The following GALNT4 variants were observed in gnomAD, a reference collection of about 807,000 sequenced individuals.
GALNT4 encodes UDP-GalNAc:polypeptide N-acetylgalactosaminyltransferase 4.
In GALNT4, 23 loss-of-function variants were observed where a neutral mutation model predicts 45.1. That is an observed-to-expected ratio of 0.51 (90% CI 0.37 to 0.72). The LOEUF (loss-of-function observed/expected upper bound fraction) is 0.72, where lower values mean the gene tolerates loss of function less well. GALNT4 is among the 30% of genes least tolerant of loss of function. GALNT4 has a pLI of 0.00. For missense variants in GALNT4, 757 were observed against 709.0 expected (o/e 1.07, Z -0.77); for synonymous variants, 264 against 257.6 (o/e 1.02, Z -0.24).
At position 89,522,625 on chromosome 12, in the gene GALNT4, T is replaced by C. The variant is rs1377466217; in HGVS notation, c.*188A>G. The C allele has an allele frequency of 1.8e-6, 1 of 558,552 alleles. No individual in the cohort carries two copies. Among genetic ancestry groups the C allele is most frequent in the Non-Finnish European group, 2.8e-6 (1 of 356,270 alleles). 34.6% of individuals were successfully genotyped at this position (558,552 alleles called of 1,614,324 possible). A position where few individuals can be genotyped will look rare whatever the true frequency, so the allele number is the denominator to read the frequency against. Reference sequence around the variant, plus strand: ...CCAATAAGTAAGGCATTGTGAAATATTAAACAGCAGCACTCTGGGTACCCA... The same window carrying C: ...CCAATAAGTAAGGCATTGTGAAATACTAAACAGCAGCACTCTGGGTACCCA... On this transcript the variant is annotated 3_prime_UTR_variant, in exon 1 of 1. Coordinates refer to ENST00000529983, the MANE Select transcript of GALNT4 (RefSeq NM_003774.5).
chr12:89,524,349 G>A lies in GALNT4; in HGVS notation c.201C>T (p.Pro67=). 1 of 1,613,976 alleles carries A rather than the reference G, an allele frequency of 6.2e-7. No homozygotes were observed. Among genetic ancestry groups the A allele is most frequent in the East Asian group, 2.2e-5 (1 of 44,884 alleles). The change falls in exon 1 of 1, where the codon CCC becomes CCT. Residue 67 remains proline, a synonymous_variant. Transcript: ENST00000529983. The stretch of plus-strand genomic sequence containing the variant: ...CCCCAAGTGCACGGGAATCTGCAGG[G>A]GGCTTCTTATAAAGCGGTCGAGACA... ...EDLSRPLYKK[P]PADSRALGEW...
rs936828646 is a variant in GALNT4 at position 89,520,311 on chromosome 12, T to C, written c.*2502A>G. 2.6e-5 allele frequency: 4 copies of C among 152,070 alleles called. No homozygotes were observed. Among genetic ancestry groups the C allele is most frequent in the African/African-American group, 9.7e-5 (4 of 41,408 alleles). 9.4% of individuals were successfully genotyped at this position (152,070 alleles called of 1,614,324 possible). On this transcript the variant is annotated 3_prime_UTR_variant, in exon 1 of 1. Coordinates refer to ENST00000529983, the MANE Select transcript of GALNT4 (RefSeq NM_003774.5). Reference sequence around the variant, plus strand: ...GAGCATCAAGATACTAAAATAAAAATAATGTAATAAGTACTTTCAAAATAT... The same window carrying C: ...GAGCATCAAGATACTAAAATAAAAACAATGTAATAAGTACTTTCAAAATAT...
At position 89,522,153 on chromosome 12, in the gene GALNT4, A is replaced by G. The variant is rs1031648850; in HGVS notation, c.*660T>C. 2 of 398,830 alleles carry G rather than the reference A, an allele frequency of 5.0e-6. No homozygotes were observed. The highest frequency in any genetic ancestry group is 4.1e-5 in the African/African-American group (2 of 48,634). 24.7% of individuals were successfully genotyped at this position (398,830 alleles called of 1,614,324 possible). The stretch of plus-strand genomic sequence containing the variant: ...TGAAGTCCAATAGCTCAAGTTTACA[A>G]AGTACGGAATGTAAATATCTCCCCA... On this transcript the variant is annotated 3_prime_UTR_variant, in exon 1 of 1. Coordinates refer to ENST00000529983, the MANE Select transcript of GALNT4 (RefSeq NM_003774.5).
In GALNT4 at chr12:89,521,973, A is replaced by T. The variant is rs536106477; in HGVS notation, c.*840T>A. ...TGTTTACTTTAAATGATTAAGCATT[A>T]ACAAAGGGAGGCATAGTATTCTGGA... is the stretch of plus-strand genomic sequence containing the variant. On this transcript the variant is annotated 3_prime_UTR_variant, in exon 1 of 1. Transcript: ENST00000529983. 1.5e-5 allele frequency: 6 copies of T among 399,006 alleles called. No individual in the cohort carries two copies. In the South Asian group the frequency reaches 5.1e-4, roughly 34 times the overall value. 24.7% of individuals were successfully genotyped at this position (399,006 alleles called of 1,614,324 possible).
Position 89,520,293 on chromosome 12 carries a change from A to G in GALNT4, c.*2520T>C, listed in dbSNP as rs1323560080. On this transcript the variant is annotated 3_prime_UTR_variant, in exon 1 of 1. Coordinates refer to ENST00000529983, the MANE Select transcript of GALNT4 (RefSeq NM_003774.5). The stretch of plus-strand genomic sequence containing the variant: ...TCATTTCCCTTTTGACAGGAGCATC[A>G]AGATACTAAAATAAAAATAATGTAA... The G allele has an allele frequency of 2.0e-5, 3 of 152,202 alleles. No individual in the cohort carries two copies. The allele number at this position is 152,202 out of a possible 1,614,324, so 9.4% of individuals were successfully genotyped here.
Position 89,524,667 on chromosome 12 carries a change from C to T in GALNT4, c.-118G>A, listed in dbSNP as rs1314278219. ...CAGCAGGTTCTTCCTTTCATGCAGG[C>T]GCTAGGCTCCTTTCCAGCCACCCAG... On this transcript the variant is annotated 5_prime_UTR_variant, in exon 1 of 1. Transcript: ENST00000529983. 22 of 1,078,416 alleles carry T rather than the reference C, an allele frequency of 2.0e-5. No homozygotes were observed. Among genetic ancestry groups the T allele is most frequent in the Non-Finnish European group, 2.3e-5 (17 of 747,842 alleles). 66.8% of individuals were successfully genotyped at this position (1,078,416 alleles called of 1,614,324 possible).
At position 89,522,849 on chromosome 12, in the gene GALNT4, A is replaced by G. The variant is rs1386911676; in HGVS notation, c.1701T>C (p.Ala567=). 2 of 1,597,190 alleles carry G rather than the reference A, an allele frequency of 1.3e-6. No individual in the cohort carries two copies. Among genetic ancestry groups the G allele is most frequent in the Non-Finnish European group, 1.7e-6 (2 of 1,173,588 alleles). The change falls in exon 1 of 1, where the codon GCT becomes GCC. Residue 567 remains alanine, a synonymous_variant. Transcript: ENST00000529983. ...AACTCCAAATTTGATTTTTATCTAG[A>G]GCATCACAAGTTCTCATTTGTACAT... The part of the protein sequence containing the change: ...RPDVQMRTCD[A]LDKNQIWSFE...
In GALNT4 at chr12:89,524,237, A is replaced by G. The variant is rs1565766204; in HGVS notation, c.313T>C (p.Tyr105His). The change falls in exon 1 of 1, where the codon TAC (tyrosine) becomes CAC (histidine). Residue 105 changes from tyrosine to histidine, a missense_variant. Transcript: ENST00000529983. Reference sequence around the variant, plus strand: ...TGCAGGGAAATCCTGTCACTGAGGTAAATATTGATGGCGTATCTCTCAATG... The same window carrying G: ...TGCAGGGAAATCCTGTCACTGAGGTGAATATTGATGGCGTATCTCTCAATG... ...ELIERYAINI[Y>H]LSDRISLHRH... 9 of 1,613,996 alleles carry G rather than the reference A, an allele frequency of 5.6e-6. No individual in the cohort carries two copies. The highest frequency in any genetic ancestry group is 1.1e-5 in the South Asian group (1 of 91,086).
chr12:89,524,219 A>T lies in GALNT4; in HGVS notation c.331T>A (p.Ser111Thr). 1 of 1,613,904 alleles carries T rather than the reference A, an allele frequency of 6.2e-7. No homozygotes were observed. The highest frequency in any genetic ancestry group is 8.5e-7 in the Non-Finnish European group (1 of 1,179,888). Residue 111 changes from serine to threonine, a missense_variant, in exon 1 of 1, where the codon TCC becomes ACC. By Grantham distance (58) the Ser-to-Thr change is moderately conservative (BLOSUM62 1). Transcript: ENST00000529983. ...AINIYLSDRI[S>T]LHRHIEDKRM... ...TTATCCTCTATGTGTCGATGCAGGGAAATCCTGTCACTGAGGTAAATATTG... is the reference window on the plus strand; with the variant it reads ...TTATCCTCTATGTGTCGATGCAGGGTAATCCTGTCACTGAGGTAAATATTG...
chr12:89,522,731 A>G lies in GALNT4; in HGVS notation c.*82T>C. ...TGCTAGGTGGCTTTTGATAAAATAA[A>G]ATACAATCTTCACTGAGGCTCTTAA... On this transcript the variant is annotated 3_prime_UTR_variant, in exon 1 of 1. Transcript: ENST00000529983. The G allele has an allele frequency of 6.7e-7, 1 of 1,493,796 alleles. No individual in the cohort carries two copies. The highest frequency in any genetic ancestry group is 1.4e-5 in the South Asian group (1 of 69,708). 92.5% of individuals were successfully genotyped at this position (1,493,796 alleles called of 1,614,324 possible). A position where few individuals can be genotyped will look rare whatever the true frequency, so the allele number is the denominator to read the frequency against.
rs1225654031 is a variant in GALNT4, at chr12:89,524,054, G to C, written c.496C>G (p.Leu166Val). The C allele has an allele frequency of 6.2e-7, 1 of 1,613,598 alleles. No individual in the cohort carries two copies. The highest frequency in any genetic ancestry group is 1.1e-5 in the South Asian group (1 of 90,994). The change falls in exon 1 of 1, where the codon CTT becomes GTT. Residue 166 changes from leucine to valine, a missense_variant. By Grantham distance (32) the Leu-to-Val change is conservative (BLOSUM62 1). Transcript: ENST00000529983. The part of the protein sequence containing the change: ...HSVLETSPAV[L>V]LKEIILVDDL... ...TCCACCAAGATGATCTCTTTCAAAA[G>C]AACTGCAGGAGAAGTTTCTAAAACA...
chr12:89,520,402 A>C lies in GALNT4; in HGVS notation c.*2411T>G, dbSNP rs1039025210. The C allele has an allele frequency of 3.3e-5, 5 of 152,070 alleles. No homozygotes were observed. Among genetic ancestry groups the C allele is most frequent in the African/African-American group, 1.2e-4 (5 of 41,438 alleles). The allele number at this position is 152,070 out of a possible 1,614,324, so 9.4% of individuals were successfully genotyped here. On this transcript the variant is annotated 3_prime_UTR_variant, in exon 1 of 1. Transcript: ENST00000529983. Reference sequence around the variant, plus strand: ...AAACCAAAAATAAATAAAAAGAGAAAATTTAAAAATAAGTAAAAAATAAAA... The same window carrying C: ...AAACCAAAAATAAATAAAAAGAGAACATTTAAAAATAAGTAAAAAATAAAA...
chr12:89,521,476 C>T lies in GALNT4; in HGVS notation c.*1337G>A, dbSNP rs551618753. On this transcript the variant is annotated 3_prime_UTR_variant, in exon 1 of 1. Coordinates refer to ENST00000529983, the MANE Select transcript of GALNT4 (RefSeq NM_003774.5). ...CTGGACTGAACATTGCTCAACTGCT[C>T]AACAACATTACCTATGTCAAAAGTG... is the stretch of plus-strand genomic sequence containing the variant. 14 of 152,324 alleles carry T rather than the reference C, an allele frequency of 9.2e-5. No individual in the cohort carries two copies. The South Asian group carries it at 2.9e-3, about 32-fold the overall frequency. The allele number at this position is 152,324 out of a possible 1,614,324, so 9.4% of individuals were successfully genotyped here.
At position 89,522,908 on chromosome 12, in the gene GALNT4, G is replaced by C; in HGVS notation, c.1642C>G (p.Leu548Val). Residue 548 changes from leucine (L) to valine (V), a missense_variant, in exon 1 of 1, where the codon CTT becomes GTT. By Grantham distance (32) the Leu-to-Val change is conservative. Coordinates refer to ENST00000529983, the MANE Select transcript of GALNT4 (RefSeq NM_003774.5). ...TIFHPHSGLC[L>V]SAYRTPEGRP... ...CCCTCCGGTGTCCGATAAGCACTAA[G>C]ACACAGTCCTGAGTGTGGGTGAAAA... The C allele has an allele frequency of 6.2e-7, 1 of 1,614,030 alleles. No individual in the cohort carries two copies. The highest frequency in any genetic ancestry group is 8.5e-7 in the Non-Finnish European group (1 of 1,179,898).
Position 89,524,382 on chromosome 12 carries a change from C to T in GALNT4, c.168G>A (p.Thr56=), listed in dbSNP as rs1871222860. 1 of 1,613,902 alleles carries T rather than the reference C, an allele frequency of 6.2e-7. No homozygotes were observed. Among genetic ancestry groups the T allele is most frequent in the African/African-American group, 1.3e-5 (1 of 74,920 alleles). The part of the protein sequence containing the change: ...SRRLSDLQKN[T]EDLSRPLYKK... Reference sequence around the variant, plus strand: ...TATAAAGCGGTCGAGACAAATCCTCCGTATTTTTCTGGAGGTCTGAGAGCC... The same window carrying T: ...TATAAAGCGGTCGAGACAAATCCTCTGTATTTTTCTGGAGGTCTGAGAGCC... Residue 56 remains threonine, a synonymous_variant, in exon 1 of 1, where the codon ACG becomes ACA. Coordinates refer to ENST00000529983, the MANE Select transcript of GALNT4 (RefSeq NM_003774.5).
chr12:89,522,973 G>A lies in GALNT4; in HGVS notation c.1577C>T (p.Pro526Leu), dbSNP rs1871019309. The change falls in exon 1 of 1, where the codon CCA becomes CTA. Residue 526 changes from proline to leucine, a missense_variant. Transcript: ENST00000529983. ...QNCPKDGFPVPANIIWHFKED... is the reference protein window; with the variant it reads ...QNCPKDGFPVLANIIWHFKED... ...TTTAAAATGCCAAATAATGTTTGCT[G>A]GTACAGGGAACCCATCTTTGGGACA... 6.2e-7 allele frequency: 1 copy of A among 1,613,998 alleles called. No homozygotes were observed. Among genetic ancestry groups the A allele is most frequent in the East Asian group, 2.2e-5 (1 of 44,886 alleles).
In GALNT4 at chr12:89,523,797, A is replaced by C. The variant is rs369748566; in HGVS notation, c.753T>G (p.Val251=). 1.2e-5 allele frequency: 18 copies of C among 1,535,374 alleles called. No individual in the cohort carries two copies. The highest frequency in any genetic ancestry group is 1.5e-5 in the Non-Finnish European group (17 of 1,146,462). The part of the protein sequence containing the change: ...LERIGRDETA[V]VCPVIDTIDW... The stretch of plus-strand genomic sequence containing the variant: ...CAATTGTGTCTATAACAGGACACAC[A>C]ACTGCTGTTTCATCTCTCCCAATCC... Residue 251 remains valine, a synonymous_variant, in exon 1 of 1, where the codon GTT becomes GTG. Coordinates refer to ENST00000529983, the MANE Select transcript of GALNT4 (RefSeq NM_003774.5).
Position 89,520,088 on chromosome 12 carries a change from T to G in GALNT4, c.*2725A>C, listed in dbSNP as rs1302623221. The G allele has an allele frequency of 6.6e-6, 1 of 152,154 alleles. No homozygotes were observed. Among genetic ancestry groups the G allele is most frequent in the Non-Finnish European group, 1.5e-5 (1 of 68,000 alleles). 9.4% of individuals were successfully genotyped at this position (152,154 alleles called of 1,614,324 possible). A position where few individuals can be genotyped will look rare whatever the true frequency, so the allele number is the denominator to read the frequency against. ...TGGAACGTGCCTAAATATGAAAATGTGAAAGTCCCACTTTTCTGTTATGTA... is the reference window on the plus strand; with the variant it reads ...TGGAACGTGCCTAAATATGAAAATGGGAAAGTCCCACTTTTCTGTTATGTA... On this transcript the variant is annotated 3_prime_UTR_variant, in exon 1 of 1. Transcript: ENST00000529983.
Position 89,522,923 on chromosome 12 carries a change from G to A in GALNT4, c.1627C>T (p.His543Tyr), listed in dbSNP as rs769519279. Residue 543 changes from histidine (H) to tyrosine (Y), a missense_variant, in exon 1 of 1, where the codon CAC (histidine) becomes TAC (tyrosine). His to Tyr is a moderately conservative substitution (Grantham distance 83, BLOSUM62 2). Transcript: ENST00000529983. ...FKEDGTIFHPHSGLCLSAYRT... is the reference protein window; with the variant it reads ...FKEDGTIFHPYSGLCLSAYRT... ...TAAGCACTAAGACACAGTCCTGAGT[G>A]TGGGTGAAAAATAGTTCCATCTTCT... 1 of 1,614,066 alleles carries A rather than the reference G, an allele frequency of 6.2e-7. No individual in the cohort carries two copies. Among genetic ancestry groups the A allele is most frequent in the East Asian group, 2.2e-5 (1 of 44,892 alleles).
Sources: gnomAD v4.1 joint callset for allele counts on GRCh38, gnomAD v4.1.1 for gene constraint, MANE v1.5 for transcripts, NCBI Gene and HGNC (gene_info 2026-07-23, HGNC 2026-07-21) for gene names.